Variants in GXYLT1 observed in about 807,000 individuals in gnomAD.
GXYLT1 encodes the protein glucoside xylosyltransferase 1.
A neutral mutation model predicts 54.0 loss-of-function variants in GXYLT1; 29 were observed. The observed-to-expected ratio is 0.54, with a 90% CI of 0.40 to 0.73. The LOEUF (loss-of-function observed/expected upper bound fraction) is 0.73, where lower values mean the gene tolerates loss of function less well. Among genes scored for constraint, GXYLT1 ranks in the 30% least tolerant of loss-of-function variants. GXYLT1 has a pLI of 0.00. For synonymous variants in GXYLT1, 176 were observed against 204.1 expected, an observed-to-expected ratio of 0.86 and a Z score of 1.17; for missense variants, 490 against 553.4, an observed-to-expected ratio of 0.89 and a Z score of 1.15.
chr12:42,118,512 C>G (rs2065510429), intron 3 of GXYLT1, among the ~76,000 whole-genome samples: 1 of 152,224 alleles, frequency 6.6e-6, no homozygotes, highest in East Asian at 1.9e-4. Context: ...AAGGAGCACT[C>G]CCCACTTACA....
intron 5 of GXYLT1, among the ~76,000 whole-genome samples, chr12:42,100,468 T>C (rs148299400): frequency 1.1e-4 from 17 of 152,214 alleles, no homozygotes; most frequent in African/African-American, 3.9e-4. Context: ...TTGAGAAACA[T>C]TGTTATAAGT....
At chr12:42,090,835 T>C (rs948307312) in intron 7 of GXYLT1, among the ~76,000 whole-genome samples, 2 of 152,360 alleles carry the variant, frequency 1.3e-5, no homozygotes, top group Middle Eastern at 3.4e-3. Context: ...CAGAATGAAA[T>C]GCATGATGCA....
At chr12:42,105,737 T>C (rs10880239) in intron 5 of GXYLT1, 81 bp downstream of exon 5, 564,890 of 1,006,684 alleles carry the variant, frequency 0.56, 161,231 homozygotes, top group South Asian at 0.71. Context: ...CAATTTAGTT[T>C]TTAATAAAAT....
intron 7 of GXYLT1, among the ~76,000 whole-genome samples, chr12:42,088,997 G>A (rs1013385048): frequency 6.6e-6 from 1 of 151,920 alleles, no homozygotes; most frequent in African/African-American, 2.4e-5. Context: ...CTGTAGAGAT[G>A]CAAAGAGATC....
intron 2 of GXYLT1, among the ~76,000 whole-genome samples, chr12:42,121,566 G>A (rs777794231): frequency 1.3e-5 from 2 of 151,912 alleles, no homozygotes; most frequent in South Asian, 4.2e-4. Context: ...GGAGTCCGAC[G>A]TTGCAGTGAG....
rs2065286672 is a variant in GXYLT1, at chr12:42,085,630, G to C, written c.*2156C>G. On this transcript the variant is annotated 3_prime_UTR_variant, in exon 8 of 8. Transcript: ENST00000398675. ...AGTAGCTAACATCAAAGTCATCTGA[G>C]GTGATTGTTAAAAACGAAATCATCA... 1 of 152,346 alleles carries C rather than the reference G, an allele frequency of 6.6e-6. No homozygotes were observed. 9.4% of individuals were successfully genotyped at this position (152,346 alleles called of 1,614,324 possible).
chr12:42,103,238 C>T (rs367555088), intron 5 of GXYLT1, among the ~76,000 whole-genome samples: 14 of 152,168 alleles, frequency 9.2e-5, no homozygotes, highest in Non-Finnish European at 1.9e-4. Context: ...GAATTACAGG[C>T]GTGAGCCACC....
In GXYLT1 at chr12:42,082,705, CTT is replaced by C. The variant is rs1244936454; in HGVS notation, c.*5079_*5080del. 2 of 152,274 alleles carry C rather than the reference CTT, an allele frequency of 1.3e-5. No individual in the cohort carries two copies. The highest frequency in any genetic ancestry group is 4.8e-5 in the African/African-American group (2 of 41,442). 9.4% of individuals were successfully genotyped at this position (152,274 alleles called of 1,614,324 possible). On this transcript the variant is annotated 3_prime_UTR_variant, in exon 8 of 8. Transcript: ENST00000398675. Reference sequence around the variant, plus strand: ...TTGTCACCTAGGCTGGTCTCAAACTCTTGGGCTCAAGCGATCCTCCTGCCTCG... The same window carrying C: ...TTGTCACCTAGGCTGGTCTCAAACTCGGGCTCAAGCGATCCTCCTGCCTCG...
intron 3 of GXYLT1, among the ~76,000 whole-genome samples, chr12:42,117,985 G>A (rs1202281327): frequency 1.3e-5 from 2 of 152,186 alleles, no homozygotes; most frequent in Admixed American, 1.3e-4. Flanking sequence ...TGGAGTCTGA[G>A]TAGTCATCAT....
At chr12:42,138,257 C>A (rs1263603292) in intron 1 of GXYLT1, among the ~76,000 whole-genome samples, 1 of 151,916 alleles carries the variant, frequency 6.6e-6, no homozygotes, top group African/African-American at 2.4e-5. Flanking sequence ...ACAGAGACTG[C>A]GTCTGGGTGA....
chr12:42,087,966 A>T lies in GXYLT1; in HGVS notation c.1162-19T>A, dbSNP rs190668767. 5.4e-5 allele frequency: 73 copies of T among 1,356,676 alleles called. 1 individual carries two copies. In the African/African-American group the frequency reaches 7.5e-4, roughly 14 times the overall value. The allele number at this position is 1,356,676 out of a possible 1,614,324, so 84.0% of individuals were successfully genotyped here. On this transcript the variant is annotated intron_variant, in intron 7 of 7. Transcript: ENST00000398675. ...AAGAACACTAGAGAAAGAAAATTTTAAAAAATAAAAAATTTAAAAGGCAAA... is the reference window on the plus strand; with the variant it reads ...AAGAACACTAGAGAAAGAAAATTTTTAAAAATAAAAAATTTAAAAGGCAAA...
At chr12:42,136,087 T>C (rs971572828) in intron 1 of GXYLT1, among the ~76,000 whole-genome samples, 1 of 152,220 alleles carries the variant, frequency 6.6e-6, no homozygotes, top group East Asian at 1.9e-4. Context: ...TTGTTTATAG[T>C]TTTTTAACTC....
At chr12:42,112,081 G>A (rs1349316044) in intron 3 of GXYLT1, among the ~76,000 whole-genome samples, 1 of 152,120 alleles carries the variant, frequency 6.6e-6, no homozygotes, top group Non-Finnish European at 1.5e-5. Flanking sequence ...GCAGCTGAGG[G>A]TCCTGTCTGG....
intron 3 of GXYLT1, among the ~76,000 whole-genome samples, chr12:42,116,906 A>G (rs1448272903): frequency 6.6e-6 from 1 of 152,190 alleles, no homozygotes; most frequent in East Asian, 1.9e-4. Context: ...AGACTGGATT[A>G]AGAAAATGTG....
intron 3 of GXYLT1, 101 bp downstream of exon 3, chr12:42,118,899 G>T: frequency 1.2e-6 from 1 of 858,902 alleles, no homozygotes; most frequent in Non-Finnish European, 1.7e-6. Flanking sequence ...GTCTCAGGTA[G>T]TTATTTCTAG....
At chr12:42,117,330 T>G (rs2065502138) in intron 3 of GXYLT1, among the ~76,000 whole-genome samples, 1 of 147,586 alleles carries the variant, frequency 6.8e-6, no homozygotes, top group African/African-American at 2.4e-5. Context: ...ATCATAAAAT[T>G]ATCTAACAAA....
In GXYLT1 at chr12:42,082,291, G is replaced by C. The variant is rs2065258642; in HGVS notation, c.*5495C>G. On this transcript the variant is annotated 3_prime_UTR_variant, in exon 8 of 8. Transcript: ENST00000398675. ...TTACGGCAACCATCAAAAACCATTG[G>C]TTCAGCTCTCAAATACTGATGACAA... 1 of 152,134 alleles carries C rather than the reference G, an allele frequency of 6.6e-6. No homozygotes were observed. Among genetic ancestry groups the C allele is most frequent in the African/African-American group, 2.4e-5 (1 of 41,434 alleles). 9.4% of individuals were successfully genotyped at this position (152,134 alleles called of 1,614,324 possible).
rs77501563 is a variant in GXYLT1 at position 42,134,599 on chromosome 12, G to T, written c.222-4748C>A. Among the ~76,000 whole-genome samples the T allele has an allele frequency of 5.6e-3, 849 of 152,212 alleles. 6 individuals carry two copies. The highest frequency in any genetic ancestry group is 0.019 in the African/African-American group (809 of 41,538). On this transcript the variant is annotated intron_variant, in intron 1 of 7. Transcript: ENST00000398675. ...CATGCTTCCTAAGTATAAGCTCCCTGCTTTACCCATTTCCCTCCCTACTCA... is the reference window on the plus strand; with the variant it reads ...CATGCTTCCTAAGTATAAGCTCCCTTCTTTACCCATTTCCCTCCCTACTCA...
intron 5 of GXYLT1, among the ~76,000 whole-genome samples, chr12:42,104,091 C>CA (rs2065405210): frequency 6.6e-6 from 1 of 151,796 alleles, no homozygotes; most frequent in South Asian, 2.1e-4. Flanking sequence ...CTGTTCTCTA[C>CA]AAAAAAGTAA....
Sources: gnomAD v4.1 joint callset for allele counts (sites outside exome capture counted in the v4.1 genomes callset) on GRCh38, gnomAD v4.1.1 for gene constraint, MANE v1.5 for transcripts, NCBI Gene and HGNC (gene_info 2026-07-23, HGNC 2026-07-21) for gene names.